The following TENM2 variants were observed in gnomAD, a reference collection of about 807,000 sequenced individuals.
TENM2 encodes the protein teneurin-2.
Under a neutral mutation model 245.2 loss-of-function variants are expected in TENM2, and 52 were observed. That is an observed-to-expected ratio of 0.21 (90% confidence interval 0.17 to 0.27). TENM2 has a LOEUF of 0.27. TENM2 is among the 10% of genes least tolerant of loss of function. The pLI, the probability that TENM2 is intolerant of heterozygous loss-of-function variation, is 1.00. For synonymous variants in TENM2, 1,363 were observed against 1,438.9 expected (o/e 0.95, Z 1.19); for missense variants, 3,046 against 3,666.8 (o/e 0.83, Z 4.37).
chr5:167,930,046 C>G (rs949519441), intron 3 of TENM2, among the ~76,000 whole-genome samples: 4 of 152,284 alleles, frequency 2.6e-5, no homozygotes, highest in Middle Eastern at 3.4e-3. Flanking sequence ...AAGCGGAACC[C>G]ATATTAATGG....
intron 2 of TENM2, among the ~76,000 whole-genome samples, chr5:167,701,319 G>C (rs1758127429): frequency 6.6e-6 from 1 of 151,770 alleles, no homozygotes; most frequent in South Asian, 2.1e-4. Context: ...TGAACATGAA[G>C]TTATGAATCT....
intron 2 of TENM2, among the ~76,000 whole-genome samples, chr5:167,497,136 C>G (rs1265070351): frequency 6.6e-6 from 1 of 151,824 alleles, no homozygotes. Context: ...GATAATAAAA[C>G]CAAGTGTGCT....
the TENM2 span, among the ~76,000 whole-genome samples, chr5:167,039,095 G>A: frequency 6.6e-6 from 1 of 152,144 alleles, no homozygotes. Context: ...ATTTAATTCT[G>A]TATGTCTTCA....
chr5:167,260,084 T>C, the TENM2 span, among the ~76,000 whole-genome samples: 2 of 152,158 alleles, frequency 1.3e-5, no homozygotes, highest in African/African-American at 4.8e-5. Context: ...TCCTGGTCAG[T>C]TTATCCATCT....
At chr5:167,857,486 G>A (rs1771197561) in intron 2 of TENM2, among the ~76,000 whole-genome samples, 1 of 152,156 alleles carries the variant, frequency 6.6e-6, no homozygotes, top group African/African-American at 2.4e-5. Context: ...GCCTAGAATG[G>A]AATACACCAA....
At chr5:167,302,670 T>A (rs769863212) in intron 1 of TENM2, among the ~76,000 whole-genome samples, 7 of 150,894 alleles carry the variant, frequency 4.6e-5, no homozygotes, top group Non-Finnish European at 2.9e-5. Flanking sequence ...GGGGGGTTCT[T>A]GCACCCTAGA....
chr5:167,991,982 G>A (rs1468799523), intron 4 of TENM2, among the ~76,000 whole-genome samples: 1 of 152,164 alleles, frequency 6.6e-6, no homozygotes, highest in Non-Finnish European at 1.5e-5. Flanking sequence ...AACTTGGATG[G>A]AGCTGGAGGC....
At chr5:168,056,387 TA>T (rs1053628059) in intron 6 of TENM2, among the ~76,000 whole-genome samples, 11 of 152,224 alleles carry the variant, frequency 7.2e-5, no homozygotes, top group African/African-American at 2.4e-4. Context: ...AAAAAGTATA[TA>T]AAAAACTTTT....
At chr5:166,986,188 A>C in the TENM2 span, among the ~76,000 whole-genome samples, 2 of 152,172 alleles carry the variant, frequency 1.3e-5, no homozygotes, top group African/African-American at 4.8e-5. Flanking sequence ...TGAGCAATGC[A>C]AAGTCCAAGA....
chr5:167,155,184 C>T, the TENM2 span, among the ~76,000 whole-genome samples: 9 of 152,168 alleles, frequency 5.9e-5, no homozygotes, highest in South Asian at 1.7e-3. Flanking sequence ...GAGGATGAAA[C>T]AAACAAAAAA....
chr5:167,593,851 T>C (rs984781407), intron 2 of TENM2, among the ~76,000 whole-genome samples: 1 of 152,214 alleles, frequency 6.6e-6, no homozygotes, highest in Non-Finnish European at 1.5e-5. Flanking sequence ...GCATGGGTCC[T>C]CATAAAGCAA....
At chr5:168,037,680 T>C (rs1050844752) in intron 5 of TENM2, among the ~76,000 whole-genome samples, 2 of 152,086 alleles carry the variant, frequency 1.3e-5, no homozygotes, top group Non-Finnish European at 2.9e-5. Flanking sequence ...AATAAGGCAT[T>C]ACATTGCACA....
At chr5:167,080,438 A>C in the TENM2 span, among the ~76,000 whole-genome samples, 1 of 152,198 alleles carries the variant, frequency 6.6e-6, no homozygotes, top group African/African-American at 2.4e-5. Flanking sequence ...ACGGATAGAA[A>C]GATACATTTC....
intron 3 of TENM2, among the ~76,000 whole-genome samples, chr5:167,896,616 C>T (rs1039853160): frequency 3.3e-5 from 5 of 152,236 alleles, no homozygotes; most frequent in Admixed American, 1.3e-4. Context: ...AAATCCAATA[C>T]AAAGGTGGAA....
At chr5:168,172,959 G>A (rs929968026) in intron 13 of TENM2, among the ~76,000 whole-genome samples, 1 of 152,098 alleles carries the variant, frequency 6.6e-6, no homozygotes, top group African/African-American at 2.4e-5. Context: ...AGAAAACTGC[G>A]AGGTGTTCCC....
chr5:167,387,481 T>TCC (rs1761507691), intron 2 of TENM2, among the ~76,000 whole-genome samples: 1 of 152,122 alleles, frequency 6.6e-6, no homozygotes, highest in South Asian at 2.1e-4. Flanking sequence ...TGGTTTGACT[T>TCC]CCTTTTTACT....
chr5:167,701,688 C>A (rs1188627684), intron 2 of TENM2, among the ~76,000 whole-genome samples: 1 of 152,104 alleles, frequency 6.6e-6, no homozygotes, highest in African/African-American at 2.4e-5. Flanking sequence ...TACATACATA[C>A]AATGTTTGGC....
intron 2 of TENM2, among the ~76,000 whole-genome samples, chr5:167,757,191 A>G (rs902738922): frequency 6.6e-5 from 10 of 151,758 alleles, no homozygotes; most frequent in Admixed American, 6.6e-5. Flanking sequence ...TGCTGCATCC[A>G]TCAACTCATC....
intron 1 of TENM2, among the ~76,000 whole-genome samples, chr5:167,312,907 C>CTT (rs762116351): frequency 0.15 from 14,267 of 94,658 alleles, 2,083 homozygotes; most frequent in African/African-American, 0.36. Context: ...GACCTTGACT[C>CTT]TTTTTTTTTT....
Sources: allele counts gnomAD v4.1 joint callset (sites outside exome capture counted in the v4.1 genomes callset), GRCh38; gene constraint gnomAD v4.1.1; transcripts MANE v1.5; gene names NCBI Gene and HGNC (gene_info 2026-07-23, HGNC 2026-07-21).